LRRTM4: variants seen among roughly 807,000 people sequenced by gnomAD.
LRRTM4 encodes leucine rich repeat transmembrane neuronal 4, also known as leucine-rich repeat transmembrane neuronal protein 4.
In LRRTM4, 25 loss-of-function variants were observed where a neutral mutation model predicts 47.6. That is an observed-to-expected ratio of 0.53 (90% CI 0.38 to 0.73). The LOEUF is 0.73. LRRTM4 is among the 30% of genes least tolerant of loss of function. The pLI, the probability that LRRTM4 is intolerant of heterozygous loss-of-function variation, is 0.00. For missense variants in LRRTM4, 638 were observed against 713.4 expected, an observed-to-expected ratio of 0.89 and a Z score of 1.20; for synonymous variants, 311 against 269.5, an observed-to-expected ratio of 1.15 and a Z score of -1.51.
At chr2:76,775,918 C>A (rs1313157984) in intron 3 of LRRTM4, among the ~76,000 whole-genome samples, 2 of 151,186 alleles carry the variant, frequency 1.3e-5, no homozygotes, top group African/African-American at 4.9e-5. Flanking sequence ...TCCCCCCACC[C>A]CACAACAGTC....
rs73940216 is a variant in LRRTM4, at chr2:76,973,464, T to G, written c.1552-224548A>C. ...ATGTGTTATATTTAACATGTACACT[T>G]TCCTGAAGGTAGACATGCTATTAAC... On this transcript the variant is annotated intron_variant, in intron 3 of 3. Transcript: ENST00000409884. Among the ~76,000 whole-genome samples the G allele has an allele frequency of 7.8e-3, 1,185 of 152,092 alleles. 11 individuals are homozygous for G. The highest frequency in any genetic ancestry group is 0.027 in the African/African-American group (1,126 of 41,550).
At chr2:76,906,022 G>C (rs150157637) in intron 3 of LRRTM4, among the ~76,000 whole-genome samples, 4,173 of 152,080 alleles carry the variant, frequency 0.027, 177 homozygotes, top group African/African-American at 0.087. Context: ...CTCGAGAAGA[G>C]CAACTCCAAG....
chr2:77,383,114 A>T (rs1228636039), intron 3 of LRRTM4, among the ~76,000 whole-genome samples: 2 of 152,074 alleles, frequency 1.3e-5, no homozygotes, highest in African/African-American at 4.8e-5. Flanking sequence ...AAATTACACC[A>T]ATGTCATGTT....
chr2:77,092,214 A>G (rs375038615), intron 3 of LRRTM4, among the ~76,000 whole-genome samples: 25 of 151,410 alleles, frequency 1.7e-4, no homozygotes, highest in South Asian at 8.4e-4. Flanking sequence ...GTTGTTCCTG[A>G]CCCAGACTTC....
intron 3 of LRRTM4, among the ~76,000 whole-genome samples, chr2:77,309,408 C>A (rs1677383382): frequency 6.6e-6 from 1 of 152,084 alleles, no homozygotes; most frequent in Non-Finnish European, 1.5e-5. Context: ...AAAATTGGTG[C>A]AGATATGGCC....
intron 3 of LRRTM4, among the ~76,000 whole-genome samples, chr2:77,068,308 T>C (rs1473347372): frequency 6.6e-6 from 1 of 152,174 alleles, no homozygotes; most frequent in Non-Finnish European, 1.5e-5. Context: ...TAAATTGAGA[T>C]ACACATCACA....
chr2:77,162,951 A>T (rs7594421), intron 3 of LRRTM4, among the ~76,000 whole-genome samples: 1 of 151,950 alleles, frequency 6.6e-6, no homozygotes. Flanking sequence ...CACCAGCAAC[A>T]GAACAAAGCT....
chr2:77,423,522 C>A (rs1212246924), intron 3 of LRRTM4, among the ~76,000 whole-genome samples: 2 of 152,100 alleles, frequency 1.3e-5, no homozygotes, highest in African/African-American at 4.8e-5. Context: ...TAGCATGGCA[C>A]CATGCATGGT....
intron 3 of LRRTM4, among the ~76,000 whole-genome samples, chr2:76,926,181 T>A (rs1165443983): frequency 6.6e-6 from 1 of 152,130 alleles, no homozygotes; most frequent in Non-Finnish European, 1.5e-5. Context: ...ATATTTAAAG[T>A]GATTGAGGAA....
At chr2:77,345,725 C>G (rs1671535788) in intron 3 of LRRTM4, among the ~76,000 whole-genome samples, 1 of 151,858 alleles carries the variant, frequency 6.6e-6, no homozygotes, top group Non-Finnish European at 1.5e-5. Flanking sequence ...AAGAGTTACT[C>G]TGAAAACCAT....
intron 3 of LRRTM4, among the ~76,000 whole-genome samples, chr2:77,401,036 A>G (rs1673931496): frequency 6.6e-6 from 1 of 151,966 alleles, no homozygotes; most frequent in Non-Finnish European, 1.5e-5. Context: ...AGCAGAGATA[A>G]GTAATTGCAA....
chr2:76,932,687 T>C (rs1674811328), intron 3 of LRRTM4, among the ~76,000 whole-genome samples: 1 of 152,076 alleles, frequency 6.6e-6, no homozygotes, highest in Non-Finnish European at 1.5e-5. Context: ...TGTATATATA[T>C]GACATGTTAT....
chr2:77,239,987 CA>C (rs1395403175), intron 3 of LRRTM4, among the ~76,000 whole-genome samples: 2 of 151,742 alleles, frequency 1.3e-5, no homozygotes, highest in African/African-American at 4.8e-5. Context: ...ACAGTTTTTT[CA>C]AGTGCATGCA....
chr2:76,877,690 T>C (rs1432335657), intron 3 of LRRTM4, among the ~76,000 whole-genome samples: 1 of 152,186 alleles, frequency 6.6e-6, no homozygotes, highest in Non-Finnish European at 1.5e-5. Flanking sequence ...ACTTTATCAG[T>C]GACACCTAGA....
intron 3 of LRRTM4, among the ~76,000 whole-genome samples, chr2:77,088,980 G>A (rs1479746514): frequency 1.3e-5 from 2 of 151,824 alleles, no homozygotes; most frequent in Admixed American, 1.3e-4. Context: ...TTTATCCGTG[G>A]ACCCAAAACT....
At chr2:76,846,216 G>A (rs1448184332) in intron 3 of LRRTM4, among the ~76,000 whole-genome samples, 1 of 152,042 alleles carries the variant, frequency 6.6e-6, no homozygotes, top group Non-Finnish European at 1.5e-5. Context: ...CCAGAGTGAT[G>A]TAAGCGAGAC....
At chr2:76,801,735 C>T (rs1238576672) in intron 3 of LRRTM4, among the ~76,000 whole-genome samples, 1 of 151,936 alleles carries the variant, frequency 6.6e-6, no homozygotes, top group Non-Finnish European at 1.5e-5. Context: ...AAAATATCAG[C>T]AAACTAAATT....
At chr2:76,937,131 G>A (rs1248789088) in intron 3 of LRRTM4, among the ~76,000 whole-genome samples, 1 of 151,748 alleles carries the variant, frequency 6.6e-6, no homozygotes, top group Non-Finnish European at 1.5e-5. Flanking sequence ...TCTTGGTGAT[G>A]GTAATTTTAT....
intron 3 of LRRTM4, among the ~76,000 whole-genome samples, chr2:77,342,856 T>C (rs1671425301): frequency 9.6e-6 from 1 of 104,292 alleles, no homozygotes; most frequent in Non-Finnish European, 2.5e-5. Flanking sequence ...AGGTTCAAAC[T>C]GAGGACTCTA....
Sources: gnomAD v4.1 joint callset for allele counts (sites outside exome capture counted in the v4.1 genomes callset) on GRCh38, gnomAD v4.1.1 for gene constraint, MANE v1.5 for transcripts, NCBI Gene and HGNC (gene_info 2026-07-23, HGNC 2026-07-21) for gene names.